YWHAE: variants seen among roughly 807,000 people sequenced by gnomAD.
The protein encoded by YWHAE is tyrosine 3-monooxygenase/tryptophan 5-monooxygenase activation protein epsilon.
YWHAE carries 4 observed loss-of-function variants against 30.1 expected under a neutral mutation model. The observed-to-expected ratio is 0.13, with a 90% confidence interval of 0.07 to 0.30. The LOEUF is 0.30. YWHAE is among the 10% of genes least tolerant of loss of function. The probability of loss-of-function intolerance (pLI) is 1.00; values close to 1 mark genes in which losing one functional copy is unlikely to be tolerated. For synonymous variants in YWHAE, 118 were observed against 111.8 expected (o/e 1.06, Z -0.35); for missense variants, 121 against 315.9 (o/e 0.38, Z 4.68).
chr17:1,359,544 G>A (rs1163174119), intron 4 of YWHAE, among the ~76,000 whole-genome samples: 1 of 152,010 alleles, frequency 6.6e-6, no homozygotes, highest in African/African-American at 2.4e-5. Context: ...TCTGATCCAT[G>A]CTTTTACATG....
At chr17:1,348,326 C>T (rs992556822) in intron 5 of YWHAE, among the ~76,000 whole-genome samples, 5 of 152,088 alleles carry the variant, frequency 3.3e-5, no homozygotes, top group African/African-American at 7.2e-5. Flanking sequence ...CCTATGGATT[C>T]GTATATGAAA....
At chr17:1,392,184 C>CG (rs1291753461) in intron 1 of YWHAE, among the ~76,000 whole-genome samples, 3 of 151,086 alleles carry the variant, frequency 2.0e-5, no homozygotes, top group African/African-American at 4.9e-5. Context: ...GATCTTGTCT[C>CG]GGGAAAAAAG....
chr17:1,376,066 G>A (rs1026898736), intron 1 of YWHAE, among the ~76,000 whole-genome samples: 5 of 152,188 alleles, frequency 3.3e-5, no homozygotes, highest in African/African-American at 9.7e-5. Flanking sequence ...TGAAGAACAC[G>A]AAGGTTAAAC....
chr17:1,394,228 C>T lies in YWHAE; in HGVS notation c.64+5819G>A, dbSNP rs928331477. Among the ~76,000 whole-genome samples, 8 of 152,032 alleles carry T rather than the reference C, an allele frequency of 5.3e-5. 1 individual carries two copies. The highest frequency in any genetic ancestry group is 1.5e-4 in the African/African-American group (6 of 41,374). On this transcript the variant is annotated intron_variant, in intron 1 of 5. Transcript: ENST00000264335. ...TTCTTGAACCAGAAAATGGGAGTAACGCTCTACCTGCTTCAATCTTGTTAC... is the reference window on the plus strand; with the variant it reads ...TTCTTGAACCAGAAAATGGGAGTAATGCTCTACCTGCTTCAATCTTGTTAC...
intron 4 of YWHAE, among the ~76,000 whole-genome samples, chr17:1,355,868 T>C (rs1157412354): frequency 2.0e-5 from 3 of 151,778 alleles, no homozygotes; most frequent in African/African-American, 7.3e-5. Flanking sequence ...GCAAAACCTA[T>C]TAAAAACACA....
intron 1 of YWHAE, among the ~76,000 whole-genome samples, chr17:1,394,449 A>AAAAAAAAAAAAACAAAAACAAAC (rs1567987834): frequency 6.7e-5 from 10 of 149,186 alleles, no homozygotes; most frequent in African/African-American, 2.3e-4. Flanking sequence ...AAAAAAAAAA[A>AAAAAAAAAAAAACAAAAACAAAC]AAAAAAAAAA....
At chr17:1,375,145 G>A (rs2073103800) in intron 1 of YWHAE, among the ~76,000 whole-genome samples, 1 of 152,130 alleles carries the variant, frequency 6.6e-6, no homozygotes, top group African/African-American at 2.4e-5. Flanking sequence ...TCTACGACCA[G>A]TGCTTTGTAC....
intron 1 of YWHAE, among the ~76,000 whole-genome samples, chr17:1,370,903 G>C (rs552055899): frequency 1.7e-4 from 26 of 151,526 alleles, no homozygotes; most frequent in African/African-American, 6.3e-4. Flanking sequence ...AGGAGGCTGA[G>C]GCAGGAGAAT....
intron 5 of YWHAE, 120 bp from the exon 6 acceptor site, chr17:1,345,619 C>A: frequency 9.5e-7 from 1 of 1,047,736 alleles, no homozygotes; most frequent in East Asian, 2.4e-5. Flanking sequence ...TGGTATTAAA[C>A]GCAGGCAAAG....
intron 1 of YWHAE, among the ~76,000 whole-genome samples, chr17:1,385,467 A>G (rs1040301308): frequency 4.1e-4 from 62 of 152,180 alleles, no homozygotes; most frequent in African/African-American, 1.4e-3. Flanking sequence ...TTATCCAGCC[A>G]TTTATAAAGC....
intron 1 of YWHAE, among the ~76,000 whole-genome samples, chr17:1,380,934 C>T (rs1353643604): frequency 2.6e-5 from 4 of 152,176 alleles, no homozygotes; most frequent in Non-Finnish European, 1.5e-5. Context: ...TCTACAATTC[C>T]TGTATTATAC....
chr17:1,361,102 G>C lies in YWHAE; in HGVS notation c.568C>G (p.Arg190Gly). ...FYYEILNSPD[R>G]ACRLAKAAFD... is the part of the protein sequence containing the mutation. Reference sequence around the variant, plus strand: ...TTCCCCACAACTTACCTGCAGGCACGGTCAGGGGAATTAAGAATTTCGTAG... The same window carrying C: ...TTCCCCACAACTTACCTGCAGGCACCGTCAGGGGAATTAAGAATTTCGTAG... Residue 190 changes from arginine (R) to glycine (G), a missense_variant, in exon 4 of 6, where the codon CGT (arginine) becomes GGT (glycine). Coordinates refer to ENST00000264335, the MANE Select transcript of YWHAE (RefSeq NM_006761.5). 6.2e-7 allele frequency: 1 copy of C among 1,613,974 alleles called. No individual in the cohort carries two copies.
chr17:1,346,800 C>T (rs958653109), intron 5 of YWHAE, among the ~76,000 whole-genome samples: 1 of 151,720 alleles, frequency 6.6e-6, no homozygotes, highest in African/African-American at 2.4e-5. Flanking sequence ...TCCTGGCTAA[C>T]ACAGTAAATC....
At chr17:1,368,025 T>A (rs931335311) in intron 1 of YWHAE, among the ~76,000 whole-genome samples, 1 of 151,258 alleles carries the variant, frequency 6.6e-6, no homozygotes, top group Non-Finnish European at 1.5e-5. Context: ...CTGAGGCAGG[T>A]GGATCACCTG....
At chr17:1,357,744 T>G (rs768047747) in intron 4 of YWHAE, among the ~76,000 whole-genome samples, 60 of 150,820 alleles carry the variant, frequency 4.0e-4, no homozygotes, top group Non-Finnish European at 5.9e-4. Context: ...TGGCCAACAC[T>G]GTGAAAACCC....
At chr17:1,367,224 G>T (rs921483796) in intron 1 of YWHAE, among the ~76,000 whole-genome samples, 1 of 152,090 alleles carries the variant, frequency 6.6e-6, no homozygotes, top group Admixed American at 6.6e-5. Context: ...GCCAAAAAGT[G>T]GAAACCCCTC....
At chr17:1,346,629 T>C (rs1392155880) in intron 5 of YWHAE, among the ~76,000 whole-genome samples, 1 of 152,206 alleles carries the variant, frequency 6.6e-6, no homozygotes, top group Non-Finnish European at 1.5e-5. Context: ...ACGCTTGACA[T>C]TGCTGTGTGA....
At chr17:1,348,874 A>C (rs2072569946) in intron 5 of YWHAE, among the ~76,000 whole-genome samples, 1 of 147,876 alleles carries the variant, frequency 6.8e-6, no homozygotes, top group Admixed American at 6.8e-5. Flanking sequence ...ATACAAAAAA[A>C]AATTAGCCGG....
intron 1 of YWHAE, among the ~76,000 whole-genome samples, chr17:1,394,460 A>AAAAAAAAAAAAAAAAAAAACC (rs1555647412): frequency 7.3e-6 from 1 of 137,542 alleles, no homozygotes; most frequent in African/African-American, 2.9e-5. Context: ...AAAAAAAAAA[A>AAAAAAAAAAAAAAAAAAAACC]ACACAAAAAT....
Sources: allele counts gnomAD v4.1 joint callset (sites outside exome capture counted in the v4.1 genomes callset), GRCh38; gene constraint gnomAD v4.1.1; transcripts MANE v1.5; gene names NCBI Gene and HGNC (gene_info 2026-07-23, HGNC 2026-07-21).